Variants in KPNA1 observed in about 807,000 individuals in gnomAD.
KPNA1 encodes the protein importin subunit alpha-5.
In KPNA1, 10 loss-of-function variants were observed where a neutral mutation model predicts 70.5. The observed-to-expected ratio is 0.14, with a 90% CI of 0.09 to 0.24. The LOEUF is 0.24. Ranked by LOEUF, KPNA1 falls within the 10% of genes least tolerant of loss-of-function variation. The pLI is 1.00. For missense variants in KPNA1, 397 were observed against 637.9 expected, an observed-to-expected ratio of 0.62 and a Z score of 4.07; for synonymous variants, 192 against 221.9, an observed-to-expected ratio of 0.87 and a Z score of 1.20.
intron 2 of KPNA1, among the ~76,000 whole-genome samples, chr3:122,471,434 G>C (rs993501606): frequency 6.6e-6 from 1 of 152,098 alleles, no homozygotes; most frequent in Non-Finnish European, 1.5e-5. Context: ...TGTCGAAGTG[G>C]ATCACAAAAC....
chr3:122,490,817 C>G (rs62271981), intron 2 of KPNA1, among the ~76,000 whole-genome samples: 2,005 of 152,112 alleles, frequency 0.013, 25 homozygotes, highest in Non-Finnish European at 0.02. Context: ...GTGATATTAC[C>G]AATTCAAACT....
chr3:122,499,528 G>A (rs1365076758), intron 1 of KPNA1, among the ~76,000 whole-genome samples: 1 of 152,016 alleles, frequency 6.6e-6, no homozygotes. Flanking sequence ...TAAGGCGGGA[G>A]TATCACTTGA....
intron 1 of KPNA1, among the ~76,000 whole-genome samples, chr3:122,511,306 G>A (rs1189661975): frequency 1.3e-5 from 2 of 152,004 alleles, no homozygotes; most frequent in African/African-American, 4.8e-5. Flanking sequence ...CCCTCCTCAC[G>A]CTGGAAAAAC....
chr3:122,448,966 T>G (rs2076170328), intron 9 of KPNA1, among the ~76,000 whole-genome samples: 1 of 152,352 alleles, frequency 6.6e-6, no homozygotes, highest in East Asian at 1.9e-4. Context: ...TATAACTATC[T>G]AATATATTCC....
intron 5 of KPNA1, among the ~76,000 whole-genome samples, chr3:122,454,605 A>G (rs1223582375): frequency 1.3e-5 from 2 of 152,264 alleles, no homozygotes; most frequent in Admixed American, 6.5e-5. Flanking sequence ...AGTGTGAAAC[A>G]TAAAATACAG....
intron 2 of KPNA1, among the ~76,000 whole-genome samples, chr3:122,493,355 A>C (rs1423160832): frequency 3.3e-5 from 2 of 60,928 alleles, no homozygotes; most frequent in Admixed American, 1.6e-4. Context: ...AAGGGACAAG[A>C]AAAAAAAAAA....
At chr3:122,510,704 T>C (rs1016014579) in intron 1 of KPNA1, among the ~76,000 whole-genome samples, 3 of 152,240 alleles carry the variant, frequency 2.0e-5, no homozygotes, top group South Asian at 4.1e-4. Context: ...TATATCATGA[T>C]ATAGCAATAA....
rs2076940274 is a variant in KPNA1 at position 122,510,232 on chromosome 3, C to A, written c.-6+4525G>T. ...TCTCAGAAAGCTACTAAAAAATGTA[C>A]TCCAAGGAAATAAGTAAACCAAGAA... On this transcript the variant is annotated intron_variant, in intron 1 of 13. Coordinates refer to ENST00000344337, the MANE Select transcript of KPNA1 (RefSeq NM_002264.4). Among the ~76,000 whole-genome samples the A allele has an allele frequency of 3.9e-5, 6 of 152,040 alleles. No individual in the cohort carries two copies. The South Asian group carries it at 1.0e-3, about 26-fold the overall frequency.
chr3:122,429,311 C>T (rs2075865818), intron 12 of KPNA1, among the ~76,000 whole-genome samples: 1 of 151,964 alleles, frequency 6.6e-6, no homozygotes, highest in Non-Finnish European at 1.5e-5. Flanking sequence ...ATTAGCCAGA[C>T]ATGGCAGCGG....
At chr3:122,465,973 T>A (rs773640107) in intron 3 of KPNA1, among the ~76,000 whole-genome samples, 1 of 152,220 alleles carries the variant, frequency 6.6e-6, no homozygotes, top group Non-Finnish European at 1.5e-5. Flanking sequence ...CTCTCATTGG[T>A]TCTGTTTCTC....
chr3:122,439,015 A>G (rs2076027504), intron 10 of KPNA1, among the ~76,000 whole-genome samples: 1 of 152,176 alleles, frequency 6.6e-6, no homozygotes, highest in South Asian at 2.1e-4. Flanking sequence ...TTAATAGAAA[A>G]TTATCTCCTA....
chr3:122,464,965 C>G (rs1294448352), intron 3 of KPNA1, among the ~76,000 whole-genome samples: 1 of 152,144 alleles, frequency 6.6e-6, no homozygotes, highest in Non-Finnish European at 1.5e-5. Flanking sequence ...AAGACTGATT[C>G]CTAAATCAAG....
At chr3:122,508,510 A>G (rs545280569) in intron 1 of KPNA1, among the ~76,000 whole-genome samples, 1 of 152,302 alleles carries the variant, frequency 6.6e-6, no homozygotes, top group African/African-American at 2.4e-5. Context: ...GGGTGCTCCA[A>G]TGCAGGTGAG....
chr3:122,468,255 C>T (rs1200038454), intron 2 of KPNA1, among the ~76,000 whole-genome samples: 1 of 152,134 alleles, frequency 6.6e-6, no homozygotes, highest in Non-Finnish European at 1.5e-5. Flanking sequence ...TAAACTCAAC[C>T]AGAGTTTAGA....
chr3:122,492,792 G>C (rs1237393535), intron 2 of KPNA1, among the ~76,000 whole-genome samples: 1 of 152,164 alleles, frequency 6.6e-6, no homozygotes, highest in Admixed American at 6.5e-5. Flanking sequence ...TTATTGCAAA[G>C]GTTCTTTCCA....
intron 4 of KPNA1, among the ~76,000 whole-genome samples, chr3:122,462,657 A>T (rs932934652): frequency 6.6e-6 from 1 of 152,110 alleles, no homozygotes; most frequent in African/African-American, 2.4e-5. Context: ...CTTTTTTAAA[A>T]GGGGTGAGGA....
intron 2 of KPNA1, among the ~76,000 whole-genome samples, chr3:122,473,692 A>G (rs929974207): frequency 6.6e-6 from 1 of 152,192 alleles, no homozygotes; most frequent in Admixed American, 6.5e-5. Flanking sequence ...GATTTTAAAA[A>G]TTCTCATTCC....
rs1489209495 is a variant in KPNA1 at position 122,451,653 on chromosome 3, A to G, written c.654-20T>C. On this transcript the variant is annotated intron_variant, in intron 7 of 13. Transcript: ENST00000344337. ...AATAACCTAAAAGCACGATGGTACA[A>G]TGGTAAACTATGTAACAGACAGTGA... is the stretch of plus-strand genomic sequence containing the variant. The G allele has an allele frequency of 2.1e-6, 3 of 1,455,776 alleles. No individual in the cohort carries two copies. Among genetic ancestry groups the G allele is most frequent in the African/African-American group, 2.8e-5 (2 of 71,458 alleles). 90.2% of individuals were successfully genotyped at this position (1,455,776 alleles called of 1,614,324 possible).
chr3:122,463,880 G>T, intron 4 of KPNA1, 62 bp downstream of exon 4: 2 of 854,954 alleles, frequency 2.3e-6, no homozygotes, highest in South Asian at 1.7e-5. Flanking sequence ...ATGAAAAACA[G>T]ACTATGGGAA....
Sources: gnomAD v4.1 joint callset for allele counts (sites outside exome capture counted in the v4.1 genomes callset) on GRCh38, gnomAD v4.1.1 for gene constraint, MANE v1.5 for transcripts, NCBI Gene and HGNC (gene_info 2026-07-23, HGNC 2026-07-21) for gene names.